RPGR: variants seen among roughly 807,000 people sequenced by gnomAD.
RPGR encodes the protein retinitis pigmentosa GTPase regulator.
In RPGR, 10 loss-of-function variants were observed where a neutral mutation model predicts 56.3. That is an observed-to-expected ratio of 0.18 (90% CI 0.11 to 0.30). The LOEUF (loss-of-function observed/expected upper bound fraction) is 0.30. Ranked by LOEUF, RPGR falls within the 10% of genes least tolerant of loss-of-function variation. The pLI is 1.00. For missense variants in RPGR, 538 were observed against 590.9 expected, an observed-to-expected ratio of 0.91 and a Z score of 0.93; for synonymous variants, 197 against 212.9, an observed-to-expected ratio of 0.93 and a Z score of 0.65.
chrX:38,275,149 A>G lies in RPGR; in HGVS notation c.2092-3T>C, dbSNP rs1002273282. ...TCCTCTAGGTTGGCTTTTTCTTTCTATAAACAATAACAAAGCAATATAACA... is the reference window on the plus strand; with the variant it reads ...TCCTCTAGGTTGGCTTTTTCTTTCTGTAAACAATAACAAAGCAATATAACA... On this transcript the variant is annotated splice_region_variant and splice_polypyrimidine_tract_variant and intron_variant, in intron 16 of 18. Coordinates refer to ENST00000642395, the MANE Select transcript of RPGR (RefSeq NM_000328.3). The G allele has an allele frequency of 1.5e-5, 18 of 1,201,739 alleles. No homozygotes were observed. Among genetic ancestry groups the G allele is most frequent in the Non-Finnish European group, 1.8e-5 (16 of 887,959 alleles).
intron 15 of RPGR, among the ~76,000 whole-genome samples, chrX:38,282,833 GCTTAC>G (rs1182777755): frequency 1.8e-5 from 2 of 110,975 alleles, no homozygotes; most frequent in Non-Finnish European, 3.8e-5. Context: ...ATCCTTTGCA[GCTTAC>G]CTTAAAGTCT....
intron 9 of RPGR, among the ~76,000 whole-genome samples, chrX:38,299,910 G>T (rs746274544): frequency 9.0e-6 from 1 of 110,829 alleles, no homozygotes; most frequent in South Asian, 3.8e-4. Flanking sequence ...TGAGGTCCTG[G>T]TTATTTCGTT....
intron 14 of RPGR, 49 bp downstream of exon 14, chrX:38,287,812 C>A (rs760188640): frequency 2.7e-6 from 3 of 1,095,154 alleles, no homozygotes; most frequent in Non-Finnish European, 3.8e-6. Flanking sequence ...TTTTTGTAAA[C>A]CCTCTCCATC....
chrX:38,284,416 AT>A (rs2067090970), intron 15 of RPGR: 2 of 729,609 alleles, frequency 2.7e-6, no homozygotes, highest in Non-Finnish European at 3.2e-6. Context: ...TATACATTTA[AT>A]TTTTTATTTT....
intron 9 of RPGR, among the ~76,000 whole-genome samples, chrX:38,300,084 G>T (rs2067474702): frequency 9.0e-6 from 1 of 110,692 alleles, no homozygotes; most frequent in South Asian, 3.8e-4. Context: ...CAAGAAGCTG[G>T]GATTACAGGC....
At chrX:38,303,881 T>C (rs751211326) in intron 8 of RPGR, 13 of 292,445 alleles carry the variant, frequency 4.4e-5, no homozygotes, top group East Asian at 2.4e-4. Context: ...CACTAGATGA[T>C]TTCTGACTTT....
In RPGR at chrX:38,297,636, T is replaced by C. The variant is rs112129511; in HGVS notation, c.1246-184A>G. Among the ~76,000 whole-genome samples the C allele has an allele frequency of 3.0e-3, 331 of 111,880 alleles. 1 individual carries two copies. The highest frequency in any genetic ancestry group is 0.01 in the African/African-American group (316 of 30,830). The stretch of plus-strand genomic sequence containing the variant: ...ATTTTGCTCTGTTGTCTCTGTATCT[T>C]AGTTGCTCTAAATTTCAATTTGGAA... On this transcript the variant is annotated intron_variant, in intron 10 of 18. Transcript: ENST00000642395.
At chrX:38,274,461 G>A (rs185695834) in intron 17 of RPGR, among the ~76,000 whole-genome samples, 2 of 111,978 alleles carry the variant, frequency 1.8e-5, no homozygotes, top group African/African-American at 6.5e-5. Context: ...TGGGGCAAAA[G>A]CTTGATTTAA....
At chrX:38,319,285 A>G (rs1292984887) in intron 4 of RPGR, among the ~76,000 whole-genome samples, 1 of 112,708 alleles carries the variant, frequency 8.9e-6, no homozygotes, top group Non-Finnish European at 1.9e-5. Flanking sequence ...GAGTAAAAAC[A>G]AGGAAAGTAA....
At chrX:38,282,464 T>C (rs889742701) in intron 15 of RPGR, among the ~76,000 whole-genome samples, 2 of 111,851 alleles carry the variant, frequency 1.8e-5, no homozygotes, top group African/African-American at 6.5e-5. Context: ...CAGTTTTAAC[T>C]ACATCTATGA....
rs748423437 is a variant in RPGR at position 38,269,729 on chromosome X, T to C, written c.2345A>G (p.Lys782Arg). ...CTGGTCGGCATCTTTATTATCACTTTTTAAAATGATCTGGTCTCCTATGGA... is the reference window on the plus strand; with the variant it reads ...CTGGTCGGCATCTTTATTATCACTTCTTAAAATGATCTGGTCTCCTATGGA... Residue 782 changes from lysine to arginine, a missense_variant, in exon 19 of 19, where the codon AAA (lysine) becomes AGA (arginine). Physicochemically the swap from Lys to Arg is conservative, Grantham distance 26. Coordinates refer to ENST00000642395, the MANE Select transcript of RPGR (RefSeq NM_000328.3). 2 of 1,206,242 alleles carry C rather than the reference T, an allele frequency of 1.7e-6. No individual in the cohort carries two copies. Among genetic ancestry groups the C allele is most frequent in the South Asian group, 1.8e-5 (1 of 56,714 alleles).
intron 10 of RPGR, among the ~76,000 whole-genome samples, chrX:38,298,033 C>T (rs1435077478): frequency 2.7e-5 from 3 of 110,961 alleles, no homozygotes; most frequent in Non-Finnish European, 5.7e-5. Context: ...GTTGGGAGGC[C>T]GAGGCTGGTG....
Position 38,287,389 on chromosome X carries a change from C to A in RPGR, c.1754-144G>T, listed in dbSNP as rs779203138. 35 of 942,780 alleles carry A rather than the reference C, an allele frequency of 3.7e-5. No homozygotes were observed. In the South Asian group the frequency reaches 6.3e-4, roughly 17 times the overall value. 77.7% of individuals were successfully genotyped at this position (942,780 alleles called of 1,213,427 possible). ...TTCCACTTCATCATCCTCTTTCTCTCCACTACTAAATTCTATTGCCTCAGG... is the reference window on the plus strand; with the variant it reads ...TTCCACTTCATCATCCTCTTTCTCTACACTACTAAATTCTATTGCCTCAGG... On this transcript the variant is annotated intron_variant, in intron 14 of 18. Transcript: ENST00000642395.
At chrX:38,315,633 T>C (rs1048580822) in intron 6 of RPGR, among the ~76,000 whole-genome samples, 4 of 110,894 alleles carry the variant, frequency 3.6e-5, no homozygotes, top group Non-Finnish European at 7.6e-5. Context: ...ATTTCTAGTA[T>C]TTGATAGCAC....
chrX:38,279,868 T>C (rs1055703997), intron 15 of RPGR, among the ~76,000 whole-genome samples: 2 of 111,611 alleles, frequency 1.8e-5, no homozygotes, highest in African/African-American at 6.5e-5. Flanking sequence ...AAACTTTGTA[T>C]TTAAGTTATA....
In RPGR at chrX:38,297,420, TCTC is replaced by T; in HGVS notation, c.1275_1277del (p.Arg426del). 8.3e-7 allele frequency: 1 copy of T among 1,209,098 alleles called. No individual in the cohort carries two copies. The highest frequency in any genetic ancestry group is 1.1e-6 in the Non-Finnish European group (1 of 893,994). On this transcript the variant is annotated inframe_deletion, in exon 11 of 19. Transcript: ENST00000642395. ...GAGTCCCTTCTATTGGAGGTAGTGT[TCTC>T]CTCATTGAAAAAGAATCTGGAGACC... is the stretch of plus-strand genomic sequence containing the variant.
At chrX:38,310,831 C>A in intron 6 of RPGR, 58 bp from the exon 7 acceptor site, 1 of 1,130,375 alleles carries the variant, frequency 8.8e-7, no homozygotes, top group East Asian at 3.0e-5. Context: ...AAAAGCTGGT[C>A]TTACCGTCAA....
rs1306705265 is a variant in RPGR, at chrX:38,299,136, A to G, written c.1065T>C (p.Ala355=). ...AAACTACCATGTGACATCCACCACA[A>G]GCAACCTGCAGCATAAATCCACAGA... The change falls in exon 10 of 19, where the codon GCT becomes GCC. Residue 355 remains alanine, a synonymous_variant. Coordinates refer to ENST00000642395, the MANE Select transcript of RPGR (RefSeq NM_000328.3). 9 of 1,209,804 alleles carry G rather than the reference A, an allele frequency of 7.4e-6. No homozygotes were observed. Among genetic ancestry groups the G allele is most frequent in the Middle Eastern group, 2.3e-4 (1 of 4,352 alleles).
rs772487554 is a variant in RPGR, at chrX:38,269,837, G to GA, written c.2242-6dup. ...GACTCTTTTGAACAGAAAAATCTAG[G>GA]AAAAAAACCACACACACAAATATTC... On this transcript the variant is annotated splice_region_variant and splice_polypyrimidine_tract_variant and intron_variant, in intron 18 of 18. Coordinates refer to ENST00000642395, the MANE Select transcript of RPGR (RefSeq NM_000328.3). 7.9e-6 allele frequency: 9 copies of GA among 1,143,500 alleles called. No homozygotes were observed. The South Asian group carries it at 9.1e-5, about 12-fold the overall frequency. 94.2% of individuals were successfully genotyped at this position (1,143,500 alleles called of 1,213,427 possible).
Sources: allele counts gnomAD v4.1 joint callset (sites outside exome capture counted in the v4.1 genomes callset), GRCh38; gene constraint gnomAD v4.1.1; transcripts MANE v1.5; gene names NCBI Gene and HGNC (gene_info 2026-07-23, HGNC 2026-07-21).